Variants in ARHGEF3 observed in about 807,000 individuals in gnomAD.
ARHGEF3 encodes 59.8 kDA protein.
Under a neutral mutation model 63.2 loss-of-function variants are expected in ARHGEF3, and 28 were observed. The ratio of observed to expected loss-of-function variants is 0.44; its 90% confidence interval spans 0.33 to 0.61. The LOEUF (loss-of-function observed/expected upper bound fraction) is 0.61. Ranked by LOEUF, ARHGEF3 falls within the 20% of genes least tolerant of loss-of-function variation. ARHGEF3 has a pLI of 0.03. For synonymous variants in ARHGEF3, 266 were observed against 254.2 expected, an observed-to-expected ratio of 1.05 and a Z score of -0.44; for missense variants, 533 against 659.3, an observed-to-expected ratio of 0.81 and a Z score of 2.10.
At chr3:57,014,722 C>T (rs1702908221) in intron 2 of ARHGEF3, among the ~76,000 whole-genome samples, 1 of 151,534 alleles carries the variant, frequency 6.6e-6, no homozygotes, top group African/African-American at 2.4e-5. Context: ...GCTGTGTCAC[C>T]CAGGCTGGAG....
chr3:56,839,920 G>A (rs1249269420), intron 4 of ARHGEF3, among the ~76,000 whole-genome samples: 1 of 152,122 alleles, frequency 6.6e-6, no homozygotes, highest in Non-Finnish European at 1.5e-5. Context: ...GGCTCCTGGT[G>A]CTCTCGAGCC....
Position 56,749,044 on chromosome 3 carries a change from T to C in ARHGEF3, c.612+2012A>G, listed in dbSNP as rs139086258. 2.6e-3 allele frequency among the ~76,000 whole-genome samples: 400 copies of C among 151,368 alleles called. 1 individual carries two copies. Among genetic ancestry groups the C allele is most frequent in the South Asian group, 4.2e-3 (20 of 4,806 alleles). ...TGTTAAAAATACAAGAACTCAAACA[T>C]ATGTACCCCTAGGTTTACTGTTCCC... On this transcript the variant is annotated intron_variant, in intron 6 of 9. Transcript: ENST00000296315.
chr3:56,802,816 G>A (rs2037722910), upstream of ARHGEF3, among the ~76,000 whole-genome samples: 1 of 152,152 alleles, frequency 6.6e-6, no homozygotes, highest in Non-Finnish European at 1.5e-5. Context: ...CCTGTCTGGG[G>A]CAGTAAAAAA....
At chr3:56,795,655 C>CTTTTTTTTT (rs11306302) in intron 1 of ARHGEF3, among the ~76,000 whole-genome samples, 14,839 of 129,884 alleles carry the variant, frequency 0.11, 1,462 homozygotes, top group East Asian at 0.26. Context: ...GTCTCTCTCT[C>CTTTTTTTTT]TTTTTTTTTT....
chr3:57,045,934 C>T (rs1704433711), intron 1 of ARHGEF3, among the ~76,000 whole-genome samples: 1 of 152,220 alleles, frequency 6.6e-6, no homozygotes, highest in Non-Finnish European at 1.5e-5. Context: ...ACTAACTCAG[C>T]TCAAAGTCTG....
At chr3:56,831,815 G>T (rs1197762672) in intron 4 of ARHGEF3, among the ~76,000 whole-genome samples, 5 of 152,236 alleles carry the variant, frequency 3.3e-5, no homozygotes. Flanking sequence ...CATGTTGACA[G>T]AAACAGAAAT....
chr3:57,064,313 T>C (rs1257197599), intron 1 of ARHGEF3, among the ~76,000 whole-genome samples: 2 of 151,326 alleles, frequency 1.3e-5, no homozygotes, highest in Admixed American at 6.6e-5. Context: ...TCTTTCTTTT[T>C]TTTTTCTTTC....
chr3:56,766,337 A>G (rs1034978201), intron 2 of ARHGEF3, among the ~76,000 whole-genome samples: 3 of 152,198 alleles, frequency 2.0e-5, no homozygotes, highest in Non-Finnish European at 4.4e-5. Flanking sequence ...GGATGGAGCA[A>G]TGAGAGGCAG....
intron 1 of ARHGEF3, chr3:56,774,936 A>T: frequency 7.9e-7 from 1 of 1,271,206 alleles, no homozygotes; most frequent in Non-Finnish European, 1.1e-6. Context: ...CAAAAAAAAA[A>T]CAGGCTATGG....
chr3:57,033,386 A>C (rs1579132023), intron 2 of ARHGEF3, among the ~76,000 whole-genome samples: 1 of 151,166 alleles, frequency 6.6e-6, no homozygotes, highest in Admixed American at 6.6e-5. Flanking sequence ...GGATCCTCGT[A>C]CTGTGGATAT....
At chr3:56,822,029 A>AGAAGAGAAGAGAAGAGAAGG (rs1559968746) in intron 4 of ARHGEF3, among the ~76,000 whole-genome samples, 2 of 147,378 alleles carry the variant, frequency 1.4e-5, no homozygotes, top group Non-Finnish European at 3.0e-5. Flanking sequence ...AGAAGAGAAG[A>AGAAGAGAAGAGAAGAGAAGG]GAAGCGAGGA....
rs2037076080 is a variant in ARHGEF3, at chr3:56,791,501, A to G, written c.96+10202T>C. Among the ~76,000 whole-genome samples the G allele has an allele frequency of 2.0e-5, 3 of 152,318 alleles. No homozygotes were observed. The East Asian group carries it at 5.8e-4, about 29-fold the overall frequency. On this transcript the variant is annotated intron_variant, in intron 1 of 9. Coordinates refer to ENST00000296315, the MANE Select transcript of ARHGEF3 (RefSeq NM_019555.3). ...TGTATACAGAAGTTTTTATCTATCC[A>G]TTCCTTGTGGGCTTTTCGTTTTAAC...
At chr3:56,959,362 G>A (rs139795707) in intron 2 of ARHGEF3, among the ~76,000 whole-genome samples, 6 of 152,198 alleles carry the variant, frequency 3.9e-5, no homozygotes, top group Admixed American at 2.0e-4. Context: ...TTTAGCCCCC[G>A]CGTAACAAGC....
intron 2 of ARHGEF3, among the ~76,000 whole-genome samples, chr3:57,032,567 G>A (rs987039188): frequency 6.6e-6 from 1 of 152,168 alleles, no homozygotes; most frequent in Admixed American, 6.5e-5. Context: ...GTTTCTGTCT[G>A]TTACCTAATG....
intron 1 of ARHGEF3, among the ~76,000 whole-genome samples, chr3:57,066,226 AACAGC>A (rs1293629950): frequency 6.6e-6 from 1 of 151,882 alleles, no homozygotes; most frequent in Non-Finnish European, 1.5e-5. Context: ...TATCTGTACC[AACAGC>A]ACACTTCCAC....
chr3:56,936,660 C>T (rs1698920693), intron 3 of ARHGEF3, among the ~76,000 whole-genome samples: 1 of 152,168 alleles, frequency 6.6e-6, no homozygotes, highest in Non-Finnish European at 1.5e-5. Context: ...AGCTGAAGAA[C>T]AAGTTAAATG....
intron 1 of ARHGEF3, among the ~76,000 whole-genome samples, chr3:56,778,112 C>T (rs2036371371): frequency 6.6e-6 from 1 of 152,156 alleles, no homozygotes; most frequent in South Asian, 2.1e-4. Flanking sequence ...AAGTTACAAT[C>T]TTACAGTGAC....
chr3:56,748,130 G>A (rs141761575), intron 6 of ARHGEF3, among the ~76,000 whole-genome samples: 1 of 152,244 alleles, frequency 6.6e-6, no homozygotes, highest in East Asian at 1.9e-4. Flanking sequence ...TTCTTCCCAG[G>A]CTCAAACAAT....
At chr3:56,760,710 G>C (rs2035368956) in intron 2 of ARHGEF3, among the ~76,000 whole-genome samples, 1 of 151,632 alleles carries the variant, frequency 6.6e-6, no homozygotes, top group Admixed American at 6.6e-5. Flanking sequence ...TCTACTTTGG[G>C]GACTGCATCT....
Sources: allele counts gnomAD v4.1 joint callset (sites outside exome capture counted in the v4.1 genomes callset), GRCh38; gene constraint gnomAD v4.1.1; transcripts MANE v1.5; gene names NCBI Gene and HGNC (gene_info 2026-07-23, HGNC 2026-07-21).